Variants in PALLD observed in about 807,000 individuals in gnomAD.
PALLD encodes palladin.
Under a neutral mutation model 123.5 loss-of-function variants are expected in PALLD, and 61 were observed. The observed-to-expected ratio is 0.49, with a 90% CI of 0.40 to 0.61. The LOEUF is 0.61. Among genes scored for constraint, PALLD ranks in the 20% least tolerant of loss-of-function variants. The pLI is 0.00. For missense variants in PALLD, 1,273 were observed against 1,377.0 expected, an observed-to-expected ratio of 0.92 and a Z score of 1.20; for synonymous variants, 465 against 496.4, an observed-to-expected ratio of 0.94 and a Z score of 0.84.
At chr4:168,885,817 T>A (rs1329794132) in intron 10 of PALLD, among the ~76,000 whole-genome samples, 1 of 152,172 alleles carries the variant, frequency 6.6e-6, no homozygotes, top group East Asian at 1.9e-4. Flanking sequence ...TGATGCTCAT[T>A]CCAACTAGGG....
At chr4:168,710,392 G>C (rs191341861) in intron 9 of PALLD, among the ~76,000 whole-genome samples, 1 of 151,952 alleles carries the variant, frequency 6.6e-6, no homozygotes, top group African/African-American at 2.4e-5. Flanking sequence ...TTTAAAATAT[G>C]TTTTTGACCA....
At chr4:168,737,577 AC>A (rs946339666) in intron 10 of PALLD, among the ~76,000 whole-genome samples, 2 of 152,154 alleles carry the variant, frequency 1.3e-5, no homozygotes, top group Admixed American at 1.3e-4. Context: ...TTGCAGTCAA[AC>A]AAAAGCACAC....
At chr4:168,678,118 C>T (rs1240573120) in intron 3 of PALLD, 1 of 152,164 alleles carries the variant, frequency 6.6e-6, no homozygotes, top group Non-Finnish European at 1.5e-5. Flanking sequence ...TGAAGGCCAC[C>T]TGGAGGTCAC....
At chr4:168,757,230 T>C (rs570558294) in intron 10 of PALLD, among the ~76,000 whole-genome samples, 41 of 152,322 alleles carry the variant, frequency 2.7e-4, no homozygotes, top group Admixed American at 2.5e-3. Flanking sequence ...CAGCTGGAAA[T>C]GTTGATTTCC....
chr4:168,886,147 G>T (rs535041335), intron 10 of PALLD, among the ~76,000 whole-genome samples: 16 of 152,100 alleles, frequency 1.1e-4, no homozygotes, highest in Middle Eastern at 6.8e-3. Context: ...GAAGCTTTTG[G>T]TTTTTTTAAT....
rs1218643832 is a variant in PALLD, at chr4:168,670,747, CAAAAA to C, written c.1087+2383_1087+2387del. Among the ~76,000 whole-genome samples the C allele has an allele frequency of 3.7e-3, 95 of 25,534 alleles. 4 individuals are homozygous for C. Among genetic ancestry groups the C allele is most frequent in the African/African-American group, 0.017 (86 of 5,096 alleles). The allele number at this position is 25,534 out of a possible 152,430, so 16.8% of individuals were successfully genotyped here. Reference sequence around the variant, plus strand: ...AGAGCGAGACTCCGTCTCAAAAAAACAAAAAAAACAAAAAAAACAAAAAAAAACAA... The same window carrying C: ...AGAGCGAGACTCCGTCTCAAAAAAACAAACAAAAAAAACAAAAAAAAACAA... On this transcript the variant is annotated intron_variant, in intron 3 of 21. Coordinates refer to ENST00000505667, the MANE Select transcript of PALLD (RefSeq NM_001166108.2).
intron 10 of PALLD, among the ~76,000 whole-genome samples, chr4:168,784,473 G>A (rs1736400094): frequency 6.6e-6 from 1 of 152,218 alleles, no homozygotes. Flanking sequence ...TTTTGCACAT[G>A]TTGTATTGGA....
chr4:168,768,263 G>A (rs1733945390), intron 10 of PALLD, among the ~76,000 whole-genome samples: 2 of 152,122 alleles, frequency 1.3e-5, no homozygotes, highest in South Asian at 4.2e-4. Context: ...ATATCATTGG[G>A]CAAACTTTAG....
intron 8 of PALLD, among the ~76,000 whole-genome samples, chr4:168,692,135 T>C (rs1456314577): frequency 6.6e-6 from 1 of 152,150 alleles, no homozygotes; most frequent in Non-Finnish European, 1.5e-5. Flanking sequence ...GCCACATGTG[T>C]CTTAGGAGCC....
At chr4:168,745,465 G>A (rs964761867) in intron 10 of PALLD, among the ~76,000 whole-genome samples, 2 of 151,830 alleles carry the variant, frequency 1.3e-5, no homozygotes, top group African/African-American at 4.8e-5. Context: ...TTAAAAAGGG[G>A]ATGTAACACT....
At chr4:168,923,215 C>T (rs1324264621) in intron 18 of PALLD, among the ~76,000 whole-genome samples, 1 of 152,198 alleles carries the variant, frequency 6.6e-6, no homozygotes, top group African/African-American at 2.4e-5. Context: ...TCCCACTTCT[C>T]CCAGAATAGC....
chr4:168,898,929 T>C (rs953183377), intron 14 of PALLD, among the ~76,000 whole-genome samples: 1 of 152,176 alleles, frequency 6.6e-6, no homozygotes, highest in Non-Finnish European at 1.5e-5. Flanking sequence ...GTTTGAAGAA[T>C]AGAGAATAAC....
intron 10 of PALLD, among the ~76,000 whole-genome samples, chr4:168,791,378 G>A (rs1359231895): frequency 6.6e-6 from 1 of 152,202 alleles, no homozygotes; most frequent in Non-Finnish European, 1.5e-5. Flanking sequence ...AATTTATAAA[G>A]GAAAGAGGTT....
chr4:168,769,278 C>T (rs1734089960), intron 10 of PALLD, among the ~76,000 whole-genome samples: 1 of 152,186 alleles, frequency 6.6e-6, no homozygotes, highest in South Asian at 2.1e-4. Context: ...ACATGCCTGC[C>T]CTGGAGCTAT....
intron 10 of PALLD, among the ~76,000 whole-genome samples, chr4:168,862,929 C>A (rs1299383328): frequency 6.6e-6 from 1 of 152,160 alleles, no homozygotes; most frequent in Non-Finnish European, 1.5e-5. Context: ...AAATTGCCTT[C>A]CATGAGGGAG....
intron 10 of PALLD, among the ~76,000 whole-genome samples, chr4:168,819,110 A>G (rs1433799900): frequency 6.6e-6 from 1 of 152,258 alleles, no homozygotes; most frequent in Non-Finnish European, 1.5e-5. Flanking sequence ...TCCAGCAAAT[A>G]TAAGTCACAA....
intron 2 of PALLD, 62 bp downstream of exon 2, chr4:168,512,474 G>A: frequency 7.0e-7 from 1 of 1,426,504 alleles, no homozygotes; most frequent in Non-Finnish European, 9.8e-7. Flanking sequence ...ACTTTAATAT[G>A]GGAGGAAGAA....
chr4:168,750,870 G>A (rs550142832), intron 10 of PALLD, among the ~76,000 whole-genome samples: 5 of 151,966 alleles, frequency 3.3e-5, no homozygotes, highest in East Asian at 1.9e-4. Flanking sequence ...TTGTACTTCC[G>A]GTTTACTTTA....
At chr4:168,606,775 G>C (rs1268204377) in intron 2 of PALLD, among the ~76,000 whole-genome samples, 2 of 151,726 alleles carry the variant, frequency 1.3e-5, no homozygotes, top group Non-Finnish European at 2.9e-5. Context: ...CAGCAGTCTA[G>C]TGTCCCCTTT....
Sources: allele counts gnomAD v4.1 joint callset (sites outside exome capture counted in the v4.1 genomes callset), GRCh38; gene constraint gnomAD v4.1.1; transcripts MANE v1.5; gene names NCBI Gene and HGNC (gene_info 2026-07-23, HGNC 2026-07-21).